The following TNIK variants were observed in gnomAD, a reference collection of about 807,000 sequenced individuals.
TNIK encodes TRAF2 and NCK interacting kinase.
TNIK carries 49 observed loss-of-function variants against 191.3 expected under a neutral mutation model. The ratio of observed to expected loss-of-function variants is 0.26; its 90% CI spans 0.20 to 0.32. The LOEUF is 0.32. Ranked by LOEUF, TNIK falls within the 10% of genes least tolerant of loss-of-function variation. The pLI, the probability that TNIK is intolerant of heterozygous loss-of-function variation, is 1.00. For missense variants in TNIK, 1,155 were observed against 1,702.3 expected (o/e 0.68, Z 5.66); for synonymous variants, 594 against 600.9 (o/e 0.99, Z 0.17).
At chr3:171,123,808 C>G (rs2108562029) in intron 17 of TNIK, 106 bp from the exon 18 acceptor site, 1 of 731,682 alleles carries the variant, frequency 1.4e-6, no homozygotes, top group East Asian at 2.9e-5. Context: ...CAGAAACTAT[C>G]CGAAACAGTA....
intron 23 of TNIK, among the ~76,000 whole-genome samples, chr3:171,093,266 A>G (rs968310427): frequency 3.9e-5 from 6 of 152,170 alleles, no homozygotes; most frequent in African/African-American, 1.4e-4. Flanking sequence ...CACCCCCCAA[A>G]TGAAATGATG....
At chr3:171,261,545 G>A (rs1747618769) in intron 2 of TNIK, among the ~76,000 whole-genome samples, 1 of 122,476 alleles carries the variant, frequency 8.2e-6, no homozygotes, top group East Asian at 2.2e-4. Context: ...GATGATGGAT[G>A]GATGGATAAA....
At chr3:171,451,518 C>G (rs1479691897) in intron 1 of TNIK, among the ~76,000 whole-genome samples, 2 of 152,194 alleles carry the variant, frequency 1.3e-5, no homozygotes, top group African/African-American at 4.8e-5. Flanking sequence ...GTTGTTTAGG[C>G]CACTAAGCTT....
intron 2 of TNIK, among the ~76,000 whole-genome samples, chr3:171,238,302 A>C (rs1470087254): frequency 6.6e-6 from 1 of 151,956 alleles, no homozygotes; most frequent in Non-Finnish European, 1.5e-5. Flanking sequence ...GGACAGAGTG[A>C]GATCCTATCT....
At chr3:171,187,528 T>C (rs894392875) in intron 7 of TNIK, among the ~76,000 whole-genome samples, 13 of 152,162 alleles carry the variant, frequency 8.5e-5, no homozygotes, top group African/African-American at 3.1e-4. Flanking sequence ...CTGATTTCAA[T>C]AATAACCCCA....
chr3:171,322,847 T>C (rs1577475147), intron 2 of TNIK, among the ~76,000 whole-genome samples: 1 of 151,292 alleles, frequency 6.6e-6, no homozygotes, highest in Admixed American at 6.6e-5. Context: ...TTCTTTTTTT[T>C]TTTTTTTTTA....
intron 7 of TNIK, among the ~76,000 whole-genome samples, chr3:171,185,520 G>C (rs60208372): frequency 6.6e-6 from 1 of 152,136 alleles, no homozygotes; most frequent in African/African-American, 2.4e-5. Flanking sequence ...CCTTTCACTT[G>C]AAGTGTTTTG....
At position 171,110,733 on chromosome 3, in the gene TNIK, A is replaced by G. The variant is rs780558867; in HGVS notation, c.2265T>C (p.Ser755=). ...GSQPGSQAGS[S]ERTRVRANSK... ...TTTTACCTCGAACTCTGGTGCGTTC[A>G]CTGGATCCTGCTTGTGATCCAGGCT... Residue 755 remains serine, a synonymous_variant, in exon 19 of 33, where the codon AGT becomes AGC. Transcript: ENST00000436636. 1.3e-6 allele frequency: 2 copies of G among 1,598,868 alleles called. No homozygotes were observed. The highest frequency in any genetic ancestry group is 1.7e-6 in the Non-Finnish European group (2 of 1,172,680).
chr3:171,247,664 T>C (rs1044477422), intron 2 of TNIK, among the ~76,000 whole-genome samples: 6 of 151,142 alleles, frequency 4.0e-5, no homozygotes, highest in African/African-American at 1.5e-4. Context: ...AACCAGCGGG[T>C]GGGAAAAAAG....
At chr3:171,371,597 G>A (rs992339296) in intron 1 of TNIK, among the ~76,000 whole-genome samples, 7 of 152,078 alleles carry the variant, frequency 4.6e-5, no homozygotes, top group African/African-American at 1.7e-4. Context: ...CCACAAAACC[G>A]GAAAACACTC....
chr3:171,322,244 ACAG>A (rs1158138744), intron 2 of TNIK, among the ~76,000 whole-genome samples: 5 of 152,200 alleles, frequency 3.3e-5, no homozygotes, highest in African/African-American at 1.2e-4. Context: ...TTGTAGATTC[ACAG>A]AAGCAGGCTC....
chr3:171,082,468 A>G (rs1720818981), intron 26 of TNIK, 74 bp from the exon 27 acceptor site: 1 of 1,533,764 alleles, frequency 6.5e-7, no homozygotes, highest in Admixed American at 2.1e-5. Context: ...TCCCTATAAA[A>G]TTTAAGAAAC....
intron 4 of TNIK, among the ~76,000 whole-genome samples, chr3:171,202,706 C>T (rs1475275586): frequency 6.6e-6 from 1 of 152,168 alleles, no homozygotes; most frequent in Non-Finnish European, 1.5e-5. Flanking sequence ...CAACACACAC[C>T]AGTTGCAAGG....
chr3:171,245,455 A>T (rs888411398), intron 2 of TNIK, among the ~76,000 whole-genome samples: 14 of 152,158 alleles, frequency 9.2e-5, no homozygotes, highest in African/African-American at 2.9e-4. Context: ...AAAAGAAACA[A>T]CATTTAAACC....
chr3:171,395,487 C>T (rs1293939487), intron 1 of TNIK, among the ~76,000 whole-genome samples: 2 of 152,132 alleles, frequency 1.3e-5, no homozygotes, highest in Non-Finnish European at 2.9e-5. Flanking sequence ...ACAGAGCCTA[C>T]ATTATATGTC....
intron 23 of TNIK, 104 bp downstream of exon 23, chr3:171,093,735 C>T (rs910825148): frequency 6.9e-7 from 1 of 1,444,214 alleles, no homozygotes; most frequent in Non-Finnish European, 9.3e-7. Flanking sequence ...CCCAAGAATT[C>T]CCCATACTTA....
At chr3:171,345,706 G>A (rs1373013792) in intron 2 of TNIK, among the ~76,000 whole-genome samples, 1 of 152,170 alleles carries the variant, frequency 6.6e-6, no homozygotes, top group Non-Finnish European at 1.5e-5. Flanking sequence ...GTCAAAAGGT[G>A]AAAATGGACT....
chr3:171,141,309 T>G lies in TNIK; in HGVS notation c.1222-800A>C, dbSNP rs556743356. On this transcript the variant is annotated intron_variant, in intron 12 of 32. Coordinates refer to ENST00000436636, the MANE Select transcript of TNIK (RefSeq NM_015028.4). Reference sequence around the variant, plus strand: ...AAAACTGAGGTACGGAGAGATTAAGTAATTGTTCAAGGTCACACCCAGTAA... The same window carrying G: ...AAAACTGAGGTACGGAGAGATTAAGGAATTGTTCAAGGTCACACCCAGTAA... Among the ~76,000 whole-genome samples the G allele has an allele frequency of 4.6e-5, 7 of 152,332 alleles. No individual in the cohort carries two copies. In the South Asian group the frequency reaches 6.2e-4, roughly 14 times the overall value.
chr3:171,448,893 C>T lies in TNIK; in HGVS notation c.57+11114G>A, dbSNP rs530106654. Among the ~76,000 whole-genome samples the T allele has an allele frequency of 9.9e-5, 15 of 152,224 alleles. 1 individual carries two copies. Among genetic ancestry groups the T allele is most frequent in the African/African-American group, 3.1e-4 (13 of 41,526 alleles). On this transcript the variant is annotated intron_variant, in intron 1 of 32. Coordinates refer to ENST00000436636, the MANE Select transcript of TNIK (RefSeq NM_015028.4). ...CATTAGGTATTTCTCCTAATGCTAT[C>T]CCTCCCCTAGCCCCCCATTTACTGA... is the stretch of plus-strand genomic sequence containing the variant.
Sources: gnomAD v4.1 joint callset for allele counts (sites outside exome capture counted in the v4.1 genomes callset) on GRCh38, gnomAD v4.1.1 for gene constraint, MANE v1.5 for transcripts, NCBI Gene and HGNC (gene_info 2026-07-23, HGNC 2026-07-21) for gene names.